ZNF148: variants seen among roughly 807,000 people sequenced by gnomAD.
The protein encoded by ZNF148 is Beta-Enolase Repressor Factor-1.
ZNF148 carries 7 observed loss-of-function variants against 67.7 expected under a neutral mutation model. The ratio of observed to expected loss-of-function variants is 0.10; its 90% CI spans 0.06 to 0.19. ZNF148 has a LOEUF of 0.19. Ranked by LOEUF, ZNF148 falls within the 10% of genes least tolerant of loss-of-function variation. ZNF148 has a pLI of 1.00. For synonymous variants in ZNF148, 333 were observed against 330.7 expected (o/e 1.01, Z -0.08); for missense variants, 583 against 947.1 (o/e 0.62, Z 5.05).
At chr3:125,309,593 G>GT (rs1392893466) in intron 4 of ZNF148, among the ~76,000 whole-genome samples, 2 of 137,784 alleles carry the variant, frequency 1.5e-5, no homozygotes, top group East Asian at 2.0e-4. Flanking sequence ...CTGAACTACA[G>GT]TTAAAAAAAA....
rs897763425 is a variant in ZNF148, at chr3:125,318,071, C to CA, written c.-16-4416dup. ...CACTTAATAATGAAAGATAAAAGTACAAAAAAAAATACATTTTTATTGTCC... is the reference window on the plus strand; with the variant it reads ...CACTTAATAATGAAAGATAAAAGTACAAAAAAAAAATACATTTTTATTGTCC... On this transcript the variant is annotated intron_variant, in intron 3 of 8. Coordinates refer to ENST00000360647, the MANE Select transcript of ZNF148 (RefSeq NM_021964.3). 3.4e-3 allele frequency among the ~76,000 whole-genome samples: 511 copies of CA among 150,504 alleles called. 9 individuals are homozygous for CA. Among genetic ancestry groups the CA allele is most frequent in the Middle Eastern group, 6.8e-3 (2 of 292 alleles).
chr3:125,334,791 G>A (rs200024912), intron 1 of ZNF148, among the ~76,000 whole-genome samples: 3 of 151,864 alleles, frequency 2.0e-5, no homozygotes, highest in East Asian at 1.9e-4. Context: ...ACCCATCAAC[G>A]ACCACCTCCA....
intron 1 of ZNF148, among the ~76,000 whole-genome samples, chr3:125,373,895 A>G (rs1480235868): frequency 6.6e-6 from 1 of 152,160 alleles, no homozygotes; most frequent in African/African-American, 2.4e-5. Flanking sequence ...CATTAATTAT[A>G]ATCTTGTGTA....
intron 4 of ZNF148, among the ~76,000 whole-genome samples, chr3:125,303,801 G>C (rs891987406): frequency 6.6e-6 from 1 of 151,742 alleles, no homozygotes; most frequent in Admixed American, 6.6e-5. Flanking sequence ...CACCCCATTC[G>C]TGGAAAAACT....
chr3:125,248,035 T>G (rs1198582688), intron 7 of ZNF148, among the ~76,000 whole-genome samples: 1 of 152,198 alleles, frequency 6.6e-6, no homozygotes, highest in Non-Finnish European at 1.5e-5. Context: ...TACTAGCATC[T>G]AAGCATATTA....
Position 125,279,316 on chromosome 3 carries a change from A to T in ZNF148, c.460-69T>A, listed in dbSNP as rs188041177. 3.5e-4 allele frequency: 443 copies of T among 1,265,666 alleles called. 2 individuals carry two copies. Among genetic ancestry groups the T allele is most frequent in the East Asian group, 1.3e-3 (49 of 37,202 alleles). The allele number at this position is 1,265,666 out of a possible 1,614,324, so 78.4% of individuals were successfully genotyped here. On this transcript the variant is annotated intron_variant, in intron 5 of 8. Transcript: ENST00000360647. Reference sequence around the variant, plus strand: ...TAAAATGTAATTAAATAGTAATTTTAAAAAAAAGATAATGCAAACAACGGT... The same window carrying T: ...TAAAATGTAATTAAATAGTAATTTTTAAAAAAAGATAATGCAAACAACGGT...
At chr3:125,346,836 C>T (rs1387669662) in intron 1 of ZNF148, among the ~76,000 whole-genome samples, 1 of 151,728 alleles carries the variant, frequency 6.6e-6, no homozygotes, top group Non-Finnish European at 1.5e-5. Flanking sequence ...AACTAATCCC[C>T]AAAACTTACT....
chr3:125,317,688 T>C (rs1358920902), intron 3 of ZNF148, among the ~76,000 whole-genome samples: 14 of 119,700 alleles, frequency 1.2e-4, no homozygotes, highest in South Asian at 1.1e-3. Flanking sequence ...GAAATACATA[T>C]ACACACACAC....
chr3:125,238,087 C>G (rs144573422), intron 7 of ZNF148, among the ~76,000 whole-genome samples: 2 of 151,588 alleles, frequency 1.3e-5, no homozygotes, highest in Admixed American at 6.6e-5. Context: ...GAAGTTAGAC[C>G]CCCCCCAACC....
intron 5 of ZNF148, among the ~76,000 whole-genome samples, chr3:125,283,463 A>G (rs537835913): frequency 1.3e-5 from 2 of 152,280 alleles, no homozygotes; most frequent in South Asian, 4.1e-4. Context: ...TAGGCAAAGA[A>G]GTAGGTGATA....
chr3:125,244,656 C>T (rs1481595626), intron 7 of ZNF148, among the ~76,000 whole-genome samples: 1 of 152,106 alleles, frequency 6.6e-6, no homozygotes, highest in Non-Finnish European at 1.5e-5. Flanking sequence ...CACCACCATG[C>T]CCAGCTTATT....
intron 2 of ZNF148, among the ~76,000 whole-genome samples, chr3:125,326,324 G>A (rs999140325): frequency 6.6e-6 from 1 of 151,968 alleles, no homozygotes; most frequent in African/African-American, 2.4e-5. Flanking sequence ...TCACGACACT[G>A]TACTACTGGG....
intron 3 of ZNF148, among the ~76,000 whole-genome samples, chr3:125,320,918 A>G (rs1038238499): frequency 9.9e-5 from 15 of 152,212 alleles, no homozygotes; most frequent in African/African-American, 3.1e-4. Context: ...TATCAGCATT[A>G]GAAATACAAA....
intron 1 of ZNF148, among the ~76,000 whole-genome samples, chr3:125,370,065 AATCAGACAGTCCTAAAACAGTCATTT>A (rs1160102016): frequency 6.6e-6 from 1 of 152,170 alleles, no homozygotes; most frequent in African/African-American, 2.4e-5. Context: ...AAAAGAATTA[AATCAGACAGTCCTAAAACAGTCATTT>A]ATGCCTGAGG....
chr3:125,256,955 C>A (rs1414459797), intron 7 of ZNF148, among the ~76,000 whole-genome samples: 1 of 138,050 alleles, frequency 7.2e-6, no homozygotes, highest in Non-Finnish European at 1.5e-5. Context: ...GTTTTCAGTT[C>A]CAGAACTTCC....
chr3:125,343,336 G>C (rs941700751), intron 1 of ZNF148, among the ~76,000 whole-genome samples: 1 of 152,162 alleles, frequency 6.6e-6, no homozygotes, highest in Non-Finnish European at 1.5e-5. Flanking sequence ...TGGTCCCAAT[G>C]AGAGGTGAAG....
intron 7 of ZNF148, among the ~76,000 whole-genome samples, chr3:125,274,474 G>C (rs1937936220): frequency 6.6e-6 from 1 of 152,084 alleles, no homozygotes; most frequent in Non-Finnish European, 1.5e-5. Context: ...ACCAGCCTCT[G>C]GATGAAAAAG....
intron 1 of ZNF148, among the ~76,000 whole-genome samples, chr3:125,353,925 AAG>A (rs1171817537): frequency 6.6e-6 from 1 of 152,196 alleles, no homozygotes; most frequent in Non-Finnish European, 1.5e-5. Context: ...AAACTAAAAA[AAG>A]AGAGAGGAGA....
At chr3:125,288,618 C>T (rs1312027231) in intron 4 of ZNF148, among the ~76,000 whole-genome samples, 1 of 151,930 alleles carries the variant, frequency 6.6e-6, no homozygotes, top group Non-Finnish European at 1.5e-5. Flanking sequence ...CAACACAATA[C>T]TAGGGAATAA....
Sources: gnomAD v4.1 joint callset for allele counts (sites outside exome capture counted in the v4.1 genomes callset) on GRCh38, gnomAD v4.1.1 for gene constraint, MANE v1.5 for transcripts, NCBI Gene and HGNC (gene_info 2026-07-23, HGNC 2026-07-21) for gene names.